The following JAKMIP3 variants were observed in gnomAD, a reference collection of about 807,000 sequenced individuals.
The protein encoded by JAKMIP3 is janus kinase and microtubule-interacting protein 3.
A neutral mutation model predicts 118.5 loss-of-function variants in JAKMIP3; 58 were observed. The ratio of observed to expected loss-of-function variants is 0.49; its 90% CI spans 0.40 to 0.61. The LOEUF (loss-of-function observed/expected upper bound fraction) is 0.61, where lower values mean the gene tolerates loss of function less well. Ranked by LOEUF, JAKMIP3 falls within the 20% of genes least tolerant of loss-of-function variation. The pLI, the probability that JAKMIP3 is intolerant of heterozygous loss-of-function variation, is 0.00. For missense variants in JAKMIP3, 950 were observed against 1,109.0 expected, an observed-to-expected ratio of 0.86 and a Z score of 2.04; for synonymous variants, 486 against 451.2, an observed-to-expected ratio of 1.08 and a Z score of -0.98.
At chr10:132,141,865 G>A (rs546447216) in intron 10 of JAKMIP3, 55 bp from the exon 11 acceptor site, 2 of 1,557,332 alleles carry the variant, frequency 1.3e-6, no homozygotes, top group African/African-American at 1.4e-5. Context: ...ATCGGAGGAG[G>A]TGCTGGCTAC....
intron 1 of JAKMIP3, among the ~76,000 whole-genome samples, chr10:132,037,056 C>T (rs776111269): frequency 5.9e-5 from 9 of 152,222 alleles, no homozygotes; most frequent in Non-Finnish European, 8.8e-5. Context: ...TCCGTGTCTC[C>T]GACTGTGCCT....
At chr10:132,110,477 G>A (rs1263003580) in intron 2 of JAKMIP3, among the ~76,000 whole-genome samples, 3 of 152,272 alleles carry the variant, frequency 2.0e-5, no homozygotes, top group Admixed American at 6.5e-5. Flanking sequence ...ACAGCCGAGG[G>A]AGGGGAGCTG....
chr10:132,081,645 T>C (rs2041777573), intron 1 of JAKMIP3, among the ~76,000 whole-genome samples: 1 of 152,156 alleles, frequency 6.6e-6, no homozygotes, highest in Admixed American at 6.5e-5. Context: ...TCGTCACGGT[T>C]GCCTCCGTTA....
intron 1 of JAKMIP3, among the ~76,000 whole-genome samples, chr10:132,076,963 C>G (rs1488226974): frequency 6.6e-6 from 1 of 151,794 alleles, no homozygotes; most frequent in Non-Finnish European, 1.5e-5. Flanking sequence ...GGCCCCGGGT[C>G]TGACTGATTG....
intron 23 of JAKMIP3, among the ~76,000 whole-genome samples, chr10:132,176,115 C>T (rs1005060404): frequency 2.0e-5 from 3 of 152,242 alleles, no homozygotes; most frequent in Non-Finnish European, 4.4e-5. Context: ...ACCATGTTCC[C>T]TGCAGGATCT....
At chr10:132,136,192 C>A in intron 6 of JAKMIP3, 116 bp downstream of exon 6, 1 of 1,098,878 alleles carries the variant, frequency 9.1e-7, no homozygotes, top group Non-Finnish European at 1.3e-6. Flanking sequence ...GTGGCCAGGC[C>A]TTCTGCTGGA....
chr10:132,175,428 T>G (rs2060050755), intron 23 of JAKMIP3, among the ~76,000 whole-genome samples: 1 of 152,164 alleles, frequency 6.6e-6, no homozygotes, highest in South Asian at 2.1e-4. Context: ...AGTGCCGTCC[T>G]GGCTGGGGTG....
chr10:132,130,880 A>C (rs979986365), intron 3 of JAKMIP3, among the ~76,000 whole-genome samples: 1 of 151,834 alleles, frequency 6.6e-6, no homozygotes, highest in South Asian at 2.1e-4. Context: ...GAGGTTCTAC[A>C]TGCTCATCTT....
chr10:132,133,810 C>T (rs2051145815), intron 4 of JAKMIP3, among the ~76,000 whole-genome samples: 2 of 152,364 alleles, frequency 1.3e-5, no homozygotes, highest in South Asian at 4.1e-4. Flanking sequence ...CCTTCTGCTG[C>T]AGTTCATGGC....
intron 23 of JAKMIP3, among the ~76,000 whole-genome samples, chr10:132,174,711 T>G (rs1269383999): frequency 6.6e-6 from 1 of 152,138 alleles, no homozygotes; most frequent in African/African-American, 2.4e-5. Flanking sequence ...ACTGTTCCAT[T>G]TTGCATTTCC....
chr10:132,124,346 C>T (rs1223306970), intron 3 of JAKMIP3, among the ~76,000 whole-genome samples: 14 of 151,822 alleles, frequency 9.2e-5, no homozygotes, highest in African/African-American at 3.4e-4. Context: ...TCCATTGCCA[C>T]GTGATCACAC....
intron 1 of JAKMIP3, among the ~76,000 whole-genome samples, chr10:132,102,821 C>G (rs1459664903): frequency 6.6e-6 from 1 of 152,184 alleles, no homozygotes; most frequent in Non-Finnish European, 1.5e-5. Context: ...CCAAGTCTCC[C>G]TCCCATGGTC....
intron 1 of JAKMIP3, among the ~76,000 whole-genome samples, chr10:132,042,187 CTTCCT>C (rs1056707480): frequency 4.9e-5 from 7 of 143,236 alleles, no homozygotes; most frequent in African/African-American, 2.0e-4. Context: ...TCGCTCGCTC[CTTCCT>C]TCCTTCCTTC....
At chr10:132,074,553 T>C (rs887527907) in intron 1 of JAKMIP3, among the ~76,000 whole-genome samples, 10 of 152,330 alleles carry the variant, frequency 6.6e-5, no homozygotes, top group Non-Finnish European at 1.3e-4. Flanking sequence ...GTTGAGTTCT[T>C]GGGGTTCCTT....
chr10:132,175,423 C>T (rs970844662), intron 23 of JAKMIP3, among the ~76,000 whole-genome samples: 3 of 152,088 alleles, frequency 2.0e-5, no homozygotes, highest in Non-Finnish European at 2.9e-5. Flanking sequence ...TGGTCAGTGC[C>T]GTCCTGGCTG....
At position 132,110,262 on chromosome 10, in the gene JAKMIP3, C is replaced by T. The variant is rs995416221; in HGVS notation, c.135+5319C>T. On this transcript the variant is annotated intron_variant, in intron 2 of 23. Coordinates refer to ENST00000684848, the MANE Select transcript of JAKMIP3 (RefSeq NM_001323087.2). The stretch of plus-strand genomic sequence containing the variant: ...TCCCACAGCCCACTGGTGGCCTAGG[C>T]GGCATCTGGTGGCCTCCACCAGCTC... 3.3e-5 allele frequency among the ~76,000 whole-genome samples: 5 copies of T among 152,150 alleles called. No homozygotes were observed. The East Asian group carries it at 5.8e-4, about 18-fold the overall frequency.
upstream of JAKMIP3, among the ~76,000 whole-genome samples, chr10:132,061,271 G>A (rs967190416): frequency 2.5e-4 from 34 of 136,810 alleles, no homozygotes; most frequent in Admixed American, 5.2e-4. Context: ...GTGATGGCGC[G>A]CACACACACC....
intron 23 of JAKMIP3, among the ~76,000 whole-genome samples, chr10:132,180,289 T>C (rs2060618121): frequency 6.6e-6 from 1 of 151,904 alleles, no homozygotes; most frequent in Non-Finnish European, 1.5e-5. Context: ...CTTGGGGGCA[T>C]TGAGGAGCCC....
rs1565020136 is a variant in JAKMIP3, at chr10:132,180,664, TGCGTGTGTGTGC to T, written c.*1104-1689_*1104-1678del. ...GTGTGTGCGTGTGCGTGTGCGTGTGTGCGTGTGTGTGCGCGCGCGTGTGTGTGCGTGCGTGTG... is the reference window on the plus strand; with the variant it reads ...GTGTGTGCGTGTGCGTGTGCGTGTGTGCGCGCGTGTGTGTGCGTGCGTGTG... On this transcript the variant is annotated intron_variant, in intron 23 of 23. Coordinates refer to ENST00000684848, the MANE Select transcript of JAKMIP3 (RefSeq NM_001323087.2). Among the ~76,000 whole-genome samples the T allele has an allele frequency of 9.5e-5, 3 of 31,662 alleles. 1 individual carries two copies. Among genetic ancestry groups the T allele is most frequent in the African/African-American group, 3.7e-4 (2 of 5,374 alleles). The allele number at this position is 31,662 out of a possible 152,430, so 20.8% of individuals were successfully genotyped here.
Sources: gnomAD v4.1 joint callset for allele counts (sites outside exome capture counted in the v4.1 genomes callset) on GRCh38, gnomAD v4.1.1 for gene constraint, MANE v1.5 for transcripts, NCBI Gene and HGNC (gene_info 2026-07-23, HGNC 2026-07-21) for gene names.